The following CACNA1E variants were observed in gnomAD, a reference collection of about 807,000 sequenced individuals.
CACNA1E encodes the protein calcium voltage-gated channel subunit alpha1 E, also known as voltage-dependent R-type calcium channel subunit alpha-1E.
CACNA1E carries 40 observed loss-of-function variants against 259.2 expected under a neutral mutation model. The ratio of observed to expected loss-of-function variants is 0.15; its 90% CI spans 0.12 to 0.20. The LOEUF (loss-of-function observed/expected upper bound fraction) is 0.20, where lower values mean the gene tolerates loss of function less well. Among genes scored for constraint, CACNA1E ranks in the 10% least tolerant of loss-of-function variants. The pLI, the probability that CACNA1E is intolerant of heterozygous loss-of-function variation, is 1.00. For synonymous variants in CACNA1E, 1,104 were observed against 1,138.5 expected, an observed-to-expected ratio of 0.97 and a Z score of 0.61; for missense variants, 1,874 against 3,040.1, an observed-to-expected ratio of 0.62 and a Z score of 9.02.
intron 34 of CACNA1E, among the ~76,000 whole-genome samples, chr1:181,766,024 A>G (rs930127258): frequency 6.6e-6 from 1 of 152,208 alleles, no homozygotes; most frequent in Non-Finnish European, 1.5e-5. Context: ...GGGAAATGAC[A>G]TTTCATCAGA....
intron 1 of CACNA1E, among the ~76,000 whole-genome samples, chr1:181,410,526 G>A (rs551912629): frequency 6.6e-6 from 1 of 152,180 alleles, no homozygotes; most frequent in Non-Finnish European, 1.5e-5. Context: ...AGGGGCGTCC[G>A]AGTCTACTGA....
chr1:181,437,937 T>C (rs2804688), intron 2 of CACNA1E, among the ~76,000 whole-genome samples: 9,356 of 152,316 alleles, frequency 0.061, 468 homozygotes, highest in African/African-American at 0.13. Flanking sequence ...CTTGACATCT[T>C]AACTCAGGTG....
rs1662596779 is a variant in CACNA1E, at chr1:181,805,987, C to T, written c.*7153C>T. 2 of 152,170 alleles carry T rather than the reference C, an allele frequency of 1.3e-5. No individual in the cohort carries two copies. The highest frequency in any genetic ancestry group is 6.5e-5 in the Admixed American group (1 of 15,286). The allele number at this position is 152,170 out of a possible 1,614,324, so 9.4% of individuals were successfully genotyped here. A position where few individuals can be genotyped will look rare whatever the true frequency, so the allele number is the denominator to read the frequency against. ...TAGAATATGGGTAAACTTCTTAGCA[C>T]AAGACTGGATTAAGAGAAGTTCTTT... On this transcript the variant is annotated 3_prime_UTR_variant, in exon 48 of 48. Coordinates refer to ENST00000367573, the MANE Select transcript of CACNA1E (RefSeq NM_001205293.3).
intron 1 of CACNA1E, among the ~76,000 whole-genome samples, chr1:181,401,520 T>A (rs1657100839): frequency 6.6e-6 from 1 of 152,218 alleles, no homozygotes; most frequent in Non-Finnish European, 1.5e-5. Context: ...GTTGAATGAA[T>A]GAGTGAATGA....
chr1:181,796,050 A>G (rs1661778707), intron 46 of CACNA1E, among the ~76,000 whole-genome samples: 3 of 152,194 alleles, frequency 2.0e-5, no homozygotes, highest in African/African-American at 7.2e-5. Flanking sequence ...TTCCTGAGCC[A>G]TATTGTTAAC....
intron 6 of CACNA1E, among the ~76,000 whole-genome samples, chr1:181,604,179 G>A (rs528734885): frequency 2.0e-5 from 3 of 152,262 alleles, no homozygotes; most frequent in South Asian, 4.2e-4. Context: ...GCTTTCTCTG[G>A]CCTGTGGCTC....
chr1:181,493,574 T>C (rs1261189096), intron 1 of CACNA1E, among the ~76,000 whole-genome samples: 1 of 152,214 alleles, frequency 6.6e-6, no homozygotes, highest in Non-Finnish European at 1.5e-5. Context: ...CAATATAGAC[T>C]CAGTCTACTT....
chr1:181,574,327 C>T (rs1650727963), intron 3 of CACNA1E, among the ~76,000 whole-genome samples: 3 of 152,288 alleles, frequency 2.0e-5, no homozygotes, highest in Middle Eastern at 3.4e-3. Context: ...CCTCATTAGA[C>T]TCTAAATGCT....
In CACNA1E at chr1:181,692,143, A is replaced by G. The variant is rs114199609; in HGVS notation, c.1056-18811A>G. Among the ~76,000 whole-genome samples the G allele has an allele frequency of 6.4e-3, 971 of 152,236 alleles. 14 individuals are homozygous for G. The highest frequency in any genetic ancestry group is 0.022 in the African/African-American group (933 of 41,562). ...CTCTACCAACAAGAAAAACTATAAA[A>G]CACTGCTGAAAGAAATCATAGATGA... On this transcript the variant is annotated intron_variant, in intron 7 of 47. Coordinates refer to ENST00000367573, the MANE Select transcript of CACNA1E (RefSeq NM_001205293.3).
At chr1:181,789,678 C>T (rs976242022) in intron 43 of CACNA1E, among the ~76,000 whole-genome samples, 8 of 152,218 alleles carry the variant, frequency 5.3e-5, no homozygotes, top group Non-Finnish European at 1.0e-4. Context: ...CTGCTTCTTT[C>T]TCTCCTAACA....
In CACNA1E at chr1:181,720,311, C is replaced by T. The variant is rs1446697388; in HGVS notation, c.1857C>T (p.Leu619=). 5 of 1,613,578 alleles carry T rather than the reference C, an allele frequency of 3.1e-6. No individual in the cohort carries two copies. The highest frequency in any genetic ancestry group is 1.7e-5 in the Admixed American group (1 of 59,984). ...TCCTCTTCATCGTTGTCTTTGCTCT[C>T]CTAGGAATGCAGTTATTTGGAGGCA... is the stretch of plus-strand genomic sequence containing the variant. ...LLFLFIVVFA[L]LGMQLFGGRF... Residue 619 remains leucine, a synonymous_variant, in exon 14 of 48, where the codon CTC becomes CTT. Coordinates refer to ENST00000367573, the MANE Select transcript of CACNA1E (RefSeq NM_001205293.3).
At chr1:181,640,866 C>T (rs1476906442) in intron 6 of CACNA1E, among the ~76,000 whole-genome samples, 3 of 152,152 alleles carry the variant, frequency 2.0e-5, no homozygotes, top group Non-Finnish European at 4.4e-5. Flanking sequence ...GAGTAATATT[C>T]TAGGCATTTG....
chr1:181,729,495 C>T lies in CACNA1E; in HGVS notation c.2241-1680C>T, dbSNP rs74127832. Among the ~76,000 whole-genome samples, 636 of 152,324 alleles carry T rather than the reference C, an allele frequency of 4.2e-3. 7 individuals carry two copies. Among genetic ancestry groups the T allele is most frequent in the African/African-American group, 0.015 (608 of 41,566 alleles). On this transcript the variant is annotated intron_variant, in intron 18 of 47. Coordinates refer to ENST00000367573, the MANE Select transcript of CACNA1E (RefSeq NM_001205293.3). ...GAAGCACTGTTAAAAAGCAAAGTGC[C>T]TGAGTGCTAGTTATATTTGTCTCAC...
chr1:181,696,301 A>G (rs1651700271), intron 7 of CACNA1E, among the ~76,000 whole-genome samples: 1 of 152,004 alleles, frequency 6.6e-6, no homozygotes, highest in Admixed American at 6.6e-5. Flanking sequence ...TCAATCTAGC[A>G]CTTGGGTGTT....
intron 2 of CACNA1E, among the ~76,000 whole-genome samples, chr1:181,464,788 A>T (rs1196978502): frequency 6.6e-6 from 1 of 152,068 alleles, no homozygotes; most frequent in Non-Finnish European, 1.5e-5. Flanking sequence ...TCCTAGACTG[A>T]TACTTCACTT....
At position 181,739,292 on chromosome 1, in the gene CACNA1E, C is replaced by G. The variant is rs779728418; in HGVS notation, c.3719+39C>G. 28 of 1,328,706 alleles carry G rather than the reference C, an allele frequency of 2.1e-5. No homozygotes were observed. In the South Asian group the frequency reaches 3.3e-4, roughly 16 times the overall value. 82.3% of individuals were successfully genotyped at this position (1,328,706 alleles called of 1,614,324 possible). ...TTCATATTTGATTCCCTTCCTTCCC[C>G]TCTTCCTGGAGACTCCAGTTGATTT... On this transcript the variant is annotated intron_variant, in intron 25 of 47. Coordinates refer to ENST00000367573, the MANE Select transcript of CACNA1E (RefSeq NM_001205293.3).
At chr1:181,731,142 G>A (rs1370887920) in intron 18 of CACNA1E, 33 bp from the exon 19 acceptor site, 3 of 1,588,278 alleles carry the variant, frequency 1.9e-6, no homozygotes, top group Non-Finnish European at 2.6e-6. Context: ...TAGAGGTTGG[G>A]GTGAACTGAA....
At chr1:181,780,169 G>C (rs1368225475) in intron 38 of CACNA1E, among the ~76,000 whole-genome samples, 1 of 152,208 alleles carries the variant, frequency 6.6e-6, no homozygotes, top group African/African-American at 2.4e-5. Context: ...GAAGAAGGTA[G>C]TAATAGCTCA....
rs1031516155 is a variant in CACNA1E at position 181,511,601 on chromosome 1, A to G, written c.512+91A>G. The G allele has an allele frequency of 3.5e-6, 5 of 1,441,236 alleles. No individual in the cohort carries two copies. In the African/African-American group the frequency reaches 7.0e-5, roughly 20 times the overall value. 89.3% of individuals were successfully genotyped at this position (1,441,236 alleles called of 1,614,324 possible). A position where few individuals can be genotyped will look rare whatever the true frequency, so the allele number is the denominator to read the frequency against. ...GGGGCAGGGAACCTGGGGTGGAAAG[A>G]CAGCAATCTGTAGAGTAGGGGCAGA... On this transcript the variant is annotated intron_variant, in intron 3 of 47. Transcript: ENST00000367573.
Sources: gnomAD v4.1 joint callset for allele counts (sites outside exome capture counted in the v4.1 genomes callset) on GRCh38, gnomAD v4.1.1 for gene constraint, MANE v1.5 for transcripts, NCBI Gene and HGNC (gene_info 2026-07-23, HGNC 2026-07-21) for gene names.